Variants in HOMER2 observed in about 807,000 individuals in gnomAD.
HOMER2 encodes the protein homer protein homolog 2.
HOMER2 carries 27 observed loss-of-function variants against 47.0 expected under a neutral mutation model. That is an observed-to-expected ratio of 0.57 (90% CI 0.42 to 0.79). HOMER2 has a LOEUF of 0.79. Among genes scored for constraint, HOMER2 ranks in the 30% least tolerant of loss-of-function variants. The probability of loss-of-function intolerance (pLI) is 0.00; values close to 1 mark genes in which losing one functional copy is unlikely to be tolerated. For synonymous variants in HOMER2, 161 were observed against 163.8 expected (o/e 0.98, Z 0.13); for missense variants, 443 against 435.0 (o/e 1.02, Z -0.16).
chr15:82,939,333 C>G (rs1022653897), intron 1 of HOMER2, among the ~76,000 whole-genome samples: 7 of 152,178 alleles, frequency 4.6e-5, no homozygotes, highest in Middle Eastern at 3.2e-3. Flanking sequence ...CACCACATGA[C>G]TCTCATGGGA....
intron 5 of HOMER2, 96 bp from the exon 6 acceptor site, chr15:82,854,896 C>T: frequency 1.4e-6 from 2 of 1,394,768 alleles, no homozygotes; most frequent in Non-Finnish European, 9.8e-7. Context: ...CTCAGCACAC[C>T]CCTGGGGGGC....
chr15:82,844,610 T>C (rs2051214288), downstream of HOMER2: 1 of 152,176 alleles, frequency 6.6e-6, no homozygotes, highest in Admixed American at 6.5e-5. Context: ...AATCAGATAG[T>C]GTAATAACAG....
chr15:82,897,137 G>A (rs1336566805), intron 1 of HOMER2, among the ~76,000 whole-genome samples: 4 of 136,088 alleles, frequency 2.9e-5, no homozygotes, highest in Non-Finnish European at 6.1e-5. Context: ...CATGATCTTG[G>A]CTCACTGCAA....
exon 2 of HOMER2, chr15:82,836,999 G>A (rs1009385668): frequency 6.6e-6 from 1 of 152,262 alleles, no homozygotes; most frequent in Non-Finnish European, 1.5e-5. Context: ...AGTCTGACAT[G>A]GGTCTCACTG....
intron 5 of HOMER2, among the ~76,000 whole-genome samples, chr15:82,856,082 C>T (rs1415839261): frequency 3.9e-5 from 6 of 152,122 alleles, no homozygotes; most frequent in South Asian, 2.1e-4. Flanking sequence ...TCAAGGACCT[C>T]GAGGACTTGG....
chr15:82,984,692 C>T (rs918266771), intron 1 of HOMER2, among the ~76,000 whole-genome samples: 3 of 152,074 alleles, frequency 2.0e-5, no homozygotes, highest in Admixed American at 2.0e-4. Context: ...TGGTGTGCAC[C>T]TGTAGTCCCA....
chr15:82,898,300 G>A (rs925416269), intron 1 of HOMER2: 1 of 152,194 alleles, frequency 6.6e-6, no homozygotes, highest in African/African-American at 2.4e-5. Flanking sequence ...AATATAAATA[G>A]AAAGATTTAA....
chr15:82,867,679 T>C (rs1201627194), intron 3 of HOMER2, among the ~76,000 whole-genome samples: 1 of 152,130 alleles, frequency 6.6e-6, no homozygotes, highest in Non-Finnish European at 1.5e-5. Flanking sequence ...TCTGGTAGTG[T>C]TGTGTATTGG....
At chr15:82,948,375 A>T (rs2054428422) in intron 1 of HOMER2, among the ~76,000 whole-genome samples, 2 of 147,092 alleles carry the variant, frequency 1.4e-5, no homozygotes, top group Non-Finnish European at 3.0e-5. Flanking sequence ...TGGGCGACAG[A>T]CAGAGACTCC....
upstream of HOMER2, among the ~76,000 whole-genome samples, chr15:82,953,970 G>T (rs2054558191): frequency 6.6e-6 from 1 of 152,020 alleles, no homozygotes; most frequent in Non-Finnish European, 1.5e-5. Context: ...CAGCTACTCG[G>T]GAGGCTTGAT....
At chr15:82,985,083 A>G (rs2030544117) in intron 1 of HOMER2, among the ~76,000 whole-genome samples, 1 of 152,220 alleles carries the variant, frequency 6.6e-6, no homozygotes, top group Non-Finnish European at 1.5e-5. Flanking sequence ...ACATTTGGAG[A>G]TGAGGGGGAG....
upstream of HOMER2, among the ~76,000 whole-genome samples, chr15:82,957,368 G>GTAT (rs1048233101): frequency 6.6e-6 from 1 of 151,782 alleles, no homozygotes; most frequent in Admixed American, 6.6e-5. Flanking sequence ...TACATTACAG[G>GTAT]TATTATTATT....
At chr15:82,955,171 CTTTTTT>C (rs537098552), upstream of HOMER2, among the ~76,000 whole-genome samples, 61 of 133,806 alleles carry the variant, frequency 4.6e-4, no homozygotes, top group Non-Finnish European at 1.5e-4. Flanking sequence ...TTTTCTTTTT[CTTTTTT>C]TTTTTTTTTT....
At chr15:82,859,782 T>G (rs892221163) in intron 4 of HOMER2, among the ~76,000 whole-genome samples, 1 of 152,164 alleles carries the variant, frequency 6.6e-6, no homozygotes, top group African/African-American at 2.4e-5. Flanking sequence ...TAGAAAGATC[T>G]TATTTAGCCT....
At chr15:82,868,541 A>ATATATATATATATATATATATATAT in intron 3 of HOMER2, among the ~76,000 whole-genome samples, 6 of 71,262 alleles carry the variant, frequency 8.4e-5, no homozygotes, top group African/African-American at 3.0e-4. Context: ...ATATATATAT[A>ATATATATATATATATATATATATAT]TTTTTTTTTT....
intron 3 of HOMER2, among the ~76,000 whole-genome samples, chr15:82,867,816 A>T (rs2052024381): frequency 6.6e-6 from 1 of 152,176 alleles, no homozygotes; most frequent in Non-Finnish European, 1.5e-5. Context: ...ATGGGGGGAA[A>T]AAAGGCCCTC....
At chr15:82,894,896 C>G (rs1040100813) in intron 1 of HOMER2, among the ~76,000 whole-genome samples, 8 of 151,430 alleles carry the variant, frequency 5.3e-5, no homozygotes, top group African/African-American at 1.9e-4. Context: ...TTAGGCGAAG[C>G]AGTCTTTGAA....
intron 3 of HOMER2, among the ~76,000 whole-genome samples, chr15:82,870,426 T>C (rs889268624): frequency 6.6e-6 from 1 of 152,038 alleles, no homozygotes; most frequent in African/African-American, 2.4e-5. Context: ...GGTAGAGCTT[T>C]AGAAGCCATC....
At chr15:82,853,329 C>T (rs893736368) in intron 6 of HOMER2, among the ~76,000 whole-genome samples, 2 of 152,220 alleles carry the variant, frequency 1.3e-5, no homozygotes, top group African/African-American at 4.8e-5. Context: ...CTTGAAAATG[C>T]AAGAAAGGGC....
Sources: gnomAD v4.1 joint callset for allele counts (sites outside exome capture counted in the v4.1 genomes callset) on GRCh38, gnomAD v4.1.1 for gene constraint, MANE v1.5 for transcripts, NCBI Gene and HGNC (gene_info 2026-07-23, HGNC 2026-07-21) for gene names.